F13A1: variants seen among roughly 807,000 people sequenced by gnomAD.
F13A1 encodes the protein coagulation factor XIII A chain.
A neutral mutation model predicts 80.1 loss-of-function variants in F13A1; 47 were observed. That is an observed-to-expected ratio of 0.59 (90% confidence interval 0.46 to 0.75). F13A1 has a LOEUF of 0.75. Ranked by LOEUF, F13A1 falls within the 30% of genes least tolerant of loss-of-function variation. F13A1 has a pLI of 0.00. For missense variants in F13A1, 817 were observed against 930.4 expected, an observed-to-expected ratio of 0.88 and a Z score of 1.59; for synonymous variants, 349 against 344.9, an observed-to-expected ratio of 1.01 and a Z score of -0.13.
intron 3 of F13A1, among the ~76,000 whole-genome samples, chr6:6,285,672 A>G (rs1758129178): frequency 6.6e-6 from 1 of 152,228 alleles, no homozygotes; most frequent in South Asian, 2.1e-4. Flanking sequence ...GTAGGGGAGG[A>G]GAGGGCTTCC....
intron 2 of F13A1, among the ~76,000 whole-genome samples, chr6:6,307,296 C>G (rs1036260133): frequency 2.0e-5 from 3 of 152,068 alleles, no homozygotes; most frequent in Admixed American, 6.5e-5. Flanking sequence ...ATTTTTACCT[C>G]TTCTCAGAAC....
intron 4 of F13A1, among the ~76,000 whole-genome samples, chr6:6,260,377 A>G (rs1442585793): frequency 2.6e-5 from 4 of 152,186 alleles, no homozygotes; most frequent in South Asian, 2.1e-4. Context: ...TCGGGCCACA[A>G]TCTTGTTCAC....
At chr6:6,319,456 C>A (rs1758739139) in intron 1 of F13A1, among the ~76,000 whole-genome samples, 1 of 152,200 alleles carries the variant, frequency 6.6e-6, no homozygotes, top group South Asian at 2.1e-4. Context: ...TCCCATTCCC[C>A]AAGCCTGCTT....
intron 3 of F13A1, among the ~76,000 whole-genome samples, chr6:6,274,194 A>G (rs191563713): frequency 1.7e-3 from 257 of 152,350 alleles, no homozygotes; most frequent in Middle Eastern, 3.4e-3. Context: ...AGCAGCTTGC[A>G]TGATGTTTGG....
intron 3 of F13A1, among the ~76,000 whole-genome samples, chr6:6,269,925 G>A (rs1478493955): frequency 6.6e-6 from 1 of 152,074 alleles, no homozygotes; most frequent in Admixed American, 6.6e-5. Context: ...TGTTAGCCAG[G>A]ATGGTCTTGA....
At chr6:6,266,348 C>T (rs962193843) in intron 4 of F13A1, among the ~76,000 whole-genome samples, 2 of 152,212 alleles carry the variant, frequency 1.3e-5, no homozygotes, top group African/African-American at 2.4e-5. Flanking sequence ...TCTCCCACTT[C>T]AGCCTCCCAA....
intron 3 of F13A1, among the ~76,000 whole-genome samples, chr6:6,295,035 A>G (rs1043694441): frequency 1.4e-5 from 2 of 144,046 alleles, no homozygotes; most frequent in South Asian, 2.1e-4. Flanking sequence ...GAGAATGATG[A>G]TTTCCAATTT....
chr6:6,205,231 C>T (rs1278045481), intron 8 of F13A1, among the ~76,000 whole-genome samples: 2 of 152,196 alleles, frequency 1.3e-5, no homozygotes, highest in Non-Finnish European at 2.9e-5. Context: ...GCACAAGAGA[C>T]CTCAATGGAG....
intron 11 of F13A1, among the ~76,000 whole-genome samples, chr6:6,175,915 G>C (rs1272741374): frequency 6.6e-6 from 1 of 152,236 alleles, no homozygotes; most frequent in Admixed American, 6.5e-5. Flanking sequence ...AGAAAATACA[G>C]ATACAAGTCA....
rs571387652 is a variant in F13A1 at position 6,308,973 on chromosome 6, C to T, written c.131-3434G>A. Among the ~76,000 whole-genome samples, 196 of 152,140 alleles carry T rather than the reference C, an allele frequency of 1.3e-3. 1 individual carries two copies. The highest frequency in any genetic ancestry group is 2.3e-3 in the South Asian group (11 of 4,816). On this transcript the variant is annotated intron_variant, in intron 2 of 14. Coordinates refer to ENST00000264870, the MANE Select transcript of F13A1 (RefSeq NM_000129.4). ...GTCACCCACTCATGTTGCTATTTGG[C>T]TATATTTATTTGTGCAATTGTTTTC...
rs1274556277 is a variant in F13A1, at chr6:6,249,579, G to A, written c.691-1160C>T. On this transcript the variant is annotated intron_variant, in intron 5 of 14. Transcript: ENST00000264870. The stretch of plus-strand genomic sequence containing the variant: ...GGTGCCTACCCAAAGGCAAGCTGGC[G>A]AAGAGTGCCCTGACTGGGCTTGGGA... 2.0e-5 allele frequency among the ~76,000 whole-genome samples: 3 copies of A among 152,188 alleles called. No individual in the cohort carries two copies. In the East Asian group the frequency reaches 5.8e-4, roughly 29 times the overall value.
intron 3 of F13A1, among the ~76,000 whole-genome samples, chr6:6,274,551 A>T (rs1011005789): frequency 6.6e-6 from 1 of 152,346 alleles, no homozygotes; most frequent in East Asian, 1.9e-4. Flanking sequence ...GGAAGTAAGA[A>T]CATAACATGA....
chr6:6,166,462 C>T (rs779829237), intron 13 of F13A1, among the ~76,000 whole-genome samples: 6 of 152,246 alleles, frequency 3.9e-5, no homozygotes, highest in Non-Finnish European at 8.8e-5. Context: ...TTATCTACCA[C>T]TTTAGAGCAA....
chr6:6,269,957 C>A (rs919881086), intron 3 of F13A1, among the ~76,000 whole-genome samples: 4 of 152,142 alleles, frequency 2.6e-5, no homozygotes, highest in Non-Finnish European at 5.9e-5. Flanking sequence ...CATGATCTGC[C>A]CGCCTAGGCC....
intron 13 of F13A1, among the ~76,000 whole-genome samples, chr6:6,158,527 G>A (rs1393363986): frequency 6.6e-6 from 1 of 152,156 alleles, no homozygotes; most frequent in African/African-American, 2.4e-5. Context: ...CGTGGATTCG[G>A]TTTCTCAGGG....
intron 6 of F13A1, among the ~76,000 whole-genome samples, chr6:6,228,113 A>G: frequency 6.6e-6 from 1 of 152,222 alleles, no homozygotes; most frequent in East Asian, 1.9e-4. Flanking sequence ...CAGTGGCAGA[A>G]TAAAGTGTCT....
At chr6:6,176,801 C>T (rs1416870835) in intron 11 of F13A1, among the ~76,000 whole-genome samples, 1 of 152,160 alleles carries the variant, frequency 6.6e-6, no homozygotes, top group Non-Finnish European at 1.5e-5. Context: ...GAGGGAAATT[C>T]GAGCATCAGG....
intron 4 of F13A1, among the ~76,000 whole-genome samples, chr6:6,259,650 G>A (rs1431145804): frequency 2.0e-5 from 3 of 152,196 alleles, no homozygotes; most frequent in Admixed American, 2.0e-4. Context: ...ACATTTACAA[G>A]TTATCTGTAA....
At position 6,318,543 on chromosome 6, in the gene F13A1, T is replaced by C. The variant is rs770047613; in HGVS notation, c.122A>G (p.Asn41Ser). ...ELQGVVPRGV[N>S]LQEFLNVTSV... ...GGGGGGTATGCTCATACCTTGCAGG[T>C]TGACGCCCCGGGGCACCACGCCCTG... Residue 41 changes from asparagine to serine, a missense_variant, in exon 2 of 15, where the codon AAC becomes AGC. By Grantham distance (46) the Asn-to-Ser change is conservative. Transcript: ENST00000264870. 3 of 1,613,168 alleles carry C rather than the reference T, an allele frequency of 1.9e-6. No homozygotes were observed. The highest frequency in any genetic ancestry group is 2.2e-5 in the East Asian group (1 of 44,872).
Sources: allele counts gnomAD v4.1 joint callset (sites outside exome capture counted in the v4.1 genomes callset), GRCh38; gene constraint gnomAD v4.1.1; transcripts MANE v1.5; gene names NCBI Gene and HGNC (gene_info 2026-07-23, HGNC 2026-07-21).